RNF145: variants seen among roughly 807,000 people sequenced by gnomAD.
RNF145 encodes the protein ring finger protein 145.
Under a neutral mutation model 57.3 loss-of-function variants are expected in RNF145, and 12 were observed. The observed-to-expected ratio is 0.21, with a 90% CI of 0.13 to 0.34. The LOEUF (loss-of-function observed/expected upper bound fraction) is 0.34, where lower values mean the gene tolerates loss of function less well. Among genes scored for constraint, RNF145 ranks in the 10% least tolerant of loss-of-function variants. RNF145 has a pLI of 1.00. For missense variants in RNF145, 429 were observed against 799.0 expected, an observed-to-expected ratio of 0.54 and a Z score of 5.58; for synonymous variants, 262 against 288.3, an observed-to-expected ratio of 0.91 and a Z score of 0.92.
rs552995631 is a variant in RNF145, at chr5:159,174,220, T to A, written c.622-62A>T. Reference sequence around the variant, plus strand: ...CACCATCAATAAACACTTTAAACACTTGAGTCAAATCAGAAGTAAAATATT... The same window carrying A: ...CACCATCAATAAACACTTTAAACACATGAGTCAAATCAGAAGTAAAATATT... On this transcript the variant is annotated intron_variant, in intron 5 of 10. Coordinates refer to ENST00000424310, the MANE Select transcript of RNF145 (RefSeq NM_001199383.2). 2.0e-5 allele frequency: 22 copies of A among 1,111,824 alleles called. No homozygotes were observed. The African/African-American group carries it at 3.3e-4, about 17-fold the overall frequency. 68.9% of individuals were successfully genotyped at this position (1,111,824 alleles called of 1,614,324 possible).
intron 9 of RNF145, among the ~76,000 whole-genome samples, chr5:159,162,288 T>G (rs1784242364): frequency 6.6e-6 from 1 of 152,178 alleles, no homozygotes; most frequent in Non-Finnish European, 1.5e-5. Flanking sequence ...CTCTAAAAAC[T>G]TTTAATATTT....
chr5:159,205,630 A>C (rs1297376844), intron 1 of RNF145, among the ~76,000 whole-genome samples: 1 of 152,168 alleles, frequency 6.6e-6, no homozygotes, highest in African/African-American at 2.4e-5. Flanking sequence ...CTCACAAACC[A>C]CCAGCCACCA....
intron 8 of RNF145, 59 bp downstream of exon 8, chr5:159,168,814 C>A: frequency 9.1e-7 from 1 of 1,097,992 alleles, no homozygotes; most frequent in Non-Finnish European, 1.2e-6. Context: ...ATTTAGACAA[C>A]AAATGCATGT....
At chr5:159,206,150 A>G (rs947470717) in intron 1 of RNF145, among the ~76,000 whole-genome samples, 3 of 152,202 alleles carry the variant, frequency 2.0e-5, no homozygotes, top group Admixed American at 2.0e-4. Context: ...GAAAGCTGTC[A>G]ATAAAAAACA....
intron 3 of RNF145, among the ~76,000 whole-genome samples, chr5:159,187,896 T>A (rs903909331): frequency 6.6e-6 from 1 of 152,194 alleles, no homozygotes; most frequent in Non-Finnish European, 1.5e-5. Flanking sequence ...GAGAGCTGAT[T>A]ATCCATAGTT....
intron 3 of RNF145, among the ~76,000 whole-genome samples, chr5:159,183,082 T>C (rs1322117588): frequency 6.6e-6 from 1 of 152,130 alleles, no homozygotes. Flanking sequence ...AACTTAAAAC[T>C]AAAAATTGTT....
chr5:159,197,611 GTATA>G (rs1291464484), intron 2 of RNF145, among the ~76,000 whole-genome samples: 1 of 152,184 alleles, frequency 6.6e-6, no homozygotes, highest in Non-Finnish European at 1.5e-5. Context: ...GAACTACGAT[GTATA>G]TATAATCTAA....
intron 1 of RNF145, 119 bp from the exon 2 acceptor site, chr5:159,203,775 C>T (rs1012764033): frequency 7.9e-6 from 5 of 636,758 alleles, no homozygotes; most frequent in African/African-American, 5.5e-5. Flanking sequence ...AGAACGTATA[C>T]TACTTCTCAG....
At chr5:159,196,415 G>A (rs1019225225) in intron 2 of RNF145, among the ~76,000 whole-genome samples, 12 of 152,198 alleles carry the variant, frequency 7.9e-5, no homozygotes, top group African/African-American at 2.6e-4. Flanking sequence ...CAATTCTCCT[G>A]CTCTAAAAGT....
At chr5:159,199,738 A>C (rs1473306646) in intron 2 of RNF145, among the ~76,000 whole-genome samples, 1 of 152,146 alleles carries the variant, frequency 6.6e-6, no homozygotes, top group African/African-American at 2.4e-5. Context: ...CTATAGAATT[A>C]AGCACCATAT....
chr5:159,161,861 C>T (rs1784228369), intron 9 of RNF145, among the ~76,000 whole-genome samples: 1 of 152,178 alleles, frequency 6.6e-6, no homozygotes, highest in African/African-American at 2.4e-5. Flanking sequence ...AAAAGCCACA[C>T]CGTCAGACGT....
At chr5:159,179,733 T>C (rs1294065228) in intron 4 of RNF145, among the ~76,000 whole-genome samples, 1 of 152,146 alleles carries the variant, frequency 6.6e-6, no homozygotes, top group Non-Finnish European at 1.5e-5. Context: ...TGCCAACTCA[T>C]AACGATAGTC....
chr5:159,176,282 C>T (rs1231730498), intron 5 of RNF145, among the ~76,000 whole-genome samples: 1 of 152,062 alleles, frequency 6.6e-6, no homozygotes, highest in Admixed American at 6.5e-5. Context: ...TGGTACTAAA[C>T]TCATTTAAAT....
At chr5:159,197,795 A>T (rs1785508895) in intron 2 of RNF145, among the ~76,000 whole-genome samples, 1 of 152,210 alleles carries the variant, frequency 6.6e-6, no homozygotes, top group South Asian at 2.1e-4. Flanking sequence ...AGTGGCATTT[A>T]AAAATGATGA....
At chr5:159,175,042 G>C (rs1356381433) in intron 5 of RNF145, among the ~76,000 whole-genome samples, 1 of 152,162 alleles carries the variant, frequency 6.6e-6, no homozygotes. Context: ...TGTGATACCA[G>C]AATGTTTCAA....
chr5:159,205,294 T>G (rs1418373148), intron 1 of RNF145, among the ~76,000 whole-genome samples: 2 of 152,226 alleles, frequency 1.3e-5, no homozygotes, highest in Non-Finnish European at 2.9e-5. Context: ...AAAAATATTA[T>G]TGTGAAAATC....
intron 3 of RNF145, among the ~76,000 whole-genome samples, chr5:159,187,126 C>T (rs1249137947): frequency 6.7e-6 from 1 of 148,170 alleles, no homozygotes; most frequent in East Asian, 2.1e-4. Flanking sequence ...ACTAAAAATA[C>T]AAAAAATTAG....
chr5:159,204,239 T>G (rs1282618382), intron 1 of RNF145, among the ~76,000 whole-genome samples: 2 of 152,180 alleles, frequency 1.3e-5, no homozygotes, highest in African/African-American at 4.8e-5. Context: ...TCCTTGAATC[T>G]TTAAAGTTAA....
intron 1 of RNF145, chr5:159,207,622 T>TA: frequency 6.2e-7 from 1 of 1,600,704 alleles, no homozygotes; most frequent in Non-Finnish European, 8.5e-7. Context: ...AGCTAGAGCC[T>TA]AAAATTCTAA....
Sources: allele counts gnomAD v4.1 joint callset (sites outside exome capture counted in the v4.1 genomes callset), GRCh38; gene constraint gnomAD v4.1.1; transcripts MANE v1.5; gene names NCBI Gene and HGNC (gene_info 2026-07-23, HGNC 2026-07-21).